ADCY3: variants seen among roughly 807,000 people sequenced by gnomAD.
ADCY3 encodes the protein adenylate cyclase 3.
In ADCY3, 70 loss-of-function variants were observed where a neutral mutation model predicts 119.4. The ratio of observed to expected loss-of-function variants is 0.59; its 90% CI spans 0.48 to 0.72. The LOEUF (loss-of-function observed/expected upper bound fraction) is 0.72. ADCY3 is among the 30% of genes least tolerant of loss of function. The pLI is 0.00. For synonymous variants in ADCY3, 672 were observed against 621.4 expected (o/e 1.08, Z -1.21); for missense variants, 1,238 against 1,541.6 (o/e 0.80, Z 3.30).
intron 9 of ADCY3, 97 bp downstream of exon 9, chr2:24,836,820 T>TC (rs1670380679): frequency 6.7e-7 from 1 of 1,492,736 alleles, no homozygotes; most frequent in African/African-American, 1.4e-5. Flanking sequence ...TGGCCAGGTC[T>TC]CCCCAGCACA....
At chr2:24,829,735 T>C (rs1669203096) in intron 13 of ADCY3, among the ~76,000 whole-genome samples, 1 of 146,358 alleles carries the variant, frequency 6.8e-6, no homozygotes, top group Non-Finnish European at 1.5e-5. Context: ...TGTGCTCCAA[T>C]TGTTAAAGTA....
At chr2:24,820,894 G>C in intron 20 of ADCY3, 46 bp from the exon 21 acceptor site, 1 of 1,604,578 alleles carries the variant, frequency 6.2e-7, no homozygotes. Context: ...GCCACACCTT[G>C]TTATGGGCCT....
At chr2:24,870,077 G>A (rs1163735493) in intron 3 of ADCY3, among the ~76,000 whole-genome samples, 1 of 151,744 alleles carries the variant, frequency 6.6e-6, no homozygotes, top group Non-Finnish European at 1.5e-5. Context: ...TTGGGAAGCC[G>A]AGGCGGGTGG....
chr2:24,880,068 C>T (rs768406710), intron 2 of ADCY3, among the ~76,000 whole-genome samples: 2 of 152,206 alleles, frequency 1.3e-5, no homozygotes, highest in Non-Finnish European at 2.9e-5. Flanking sequence ...CATGCCCTTC[C>T]GAGCTGGGTA....
chr2:24,822,673 G>C (rs763435563), intron 18 of ADCY3, 43 bp from the exon 19 acceptor site: 1 of 1,607,964 alleles, frequency 6.2e-7, no homozygotes, highest in Admixed American at 1.7e-5. Context: ...AGTCAAGGGA[G>C]AGGAATGACC....
At position 24,838,448 on chromosome 2, in the gene ADCY3, G is replaced by A. The variant is rs1159553404; in HGVS notation, c.1530C>T (p.Gly510=). 6.2e-7 allele frequency: 1 copy of A among 1,612,260 alleles called. No individual in the cohort carries two copies. The change falls in exon 8 of 22, where the codon GGC becomes GGT. Residue 510 remains glycine, a synonymous_variant. Coordinates refer to ENST00000679454, the MANE Select transcript of ADCY3 (RefSeq NM_004036.5). Reference sequence around the variant, plus strand: ...TGGGGTGGGGTGGGGAACTCACCGAGCCATTGAGGCCATTCTGGGTGGCTG... The same window carrying A: ...TGGGGTGGGGTGGGGAACTCACCGAACCATTGAGGCCATTCTGGGTGGCTG... ...KKTATQNGLN[G]SALPNGAPAS... is the part of the protein sequence containing the mutation.
chr2:24,873,019 C>T (rs974645360), intron 2 of ADCY3, among the ~76,000 whole-genome samples: 5 of 152,220 alleles, frequency 3.3e-5, no homozygotes, highest in South Asian at 2.1e-4. Flanking sequence ...ATCCCCCCTC[C>T]GGCTTCCCAA....
intron 2 of ADCY3, among the ~76,000 whole-genome samples, chr2:24,891,911 T>C (rs907767770): frequency 2.0e-5 from 3 of 152,142 alleles, no homozygotes; most frequent in Non-Finnish European, 4.4e-5. Context: ...ATAGGAAAAA[T>C]ATGGTATATA....
intron 7 of ADCY3, chr2:24,838,930 T>C: frequency 6.7e-7 from 1 of 1,499,866 alleles, no homozygotes. Flanking sequence ...GCAGATCAAA[T>C]GCGATAAGGA....
Position 24,842,881 on chromosome 2 carries a change from G to A in ADCY3, c.826-497C>T, listed in dbSNP as rs530422858. ...AGCAAGAACGTCCACCTCAGAGAGC[G>A]GAGGGTCTCACGGGGACACAGGTAA... On this transcript the variant is annotated intron_variant, in intron 3 of 21. Coordinates refer to ENST00000679454, the MANE Select transcript of ADCY3 (RefSeq NM_004036.5). This position sits in a 1 kb window ranked among gnomAD's most constrained non-coding sequence, Gnocchi z 4.9. 2.6e-4 allele frequency among the ~76,000 whole-genome samples: 39 copies of A among 152,336 alleles called. No individual in the cohort carries two copies. Among genetic ancestry groups the A allele is most frequent in the East Asian group, 7.7e-4 (4 of 5,178 alleles).
Position 24,839,900 on chromosome 2 carries a change from T to C in ADCY3, c.1328A>G (p.Asn443Ser). 1 of 1,613,876 alleles carries C rather than the reference T, an allele frequency of 6.2e-7. No individual in the cohort carries two copies. The stretch of plus-strand genomic sequence containing the variant: ...AGGGATGCCGCCGGCCTCCATCTTG[T>C]TGGCTACAGTGACATCAGTCGACCA... ...DVWSTDVTVA[N>S]KMEAGGIPGR... The change falls in exon 7 of 22, where the codon AAC becomes AGC. Residue 443 changes from asparagine to serine, a missense_variant. Physicochemically the swap from Asn to Ser is conservative, Grantham distance 46. This residue lies in a region of ADCY3 where 283 missense variants were observed against 437.2 expected (regional missense o/e 0.65). Transcript: ENST00000679454.
intron 21 of ADCY3, 59 bp from the exon 22 acceptor site, chr2:24,820,173 G>T: frequency 7.5e-7 from 1 of 1,328,972 alleles, no homozygotes; most frequent in Non-Finnish European, 1.0e-6. Context: ...ACTGAGGGCG[G>T]GTGGGGGCTT....
rs1664774646 is a variant in ADCY3, at chr2:24,918,809, T to C, written c.179A>G (p.Glu60Gly). ...PRFMRLTFVPESLENLYQTYF... is the reference protein window; with the variant it reads ...PRFMRLTFVPGSLENLYQTYF... ...GGTCTGGTAGAGGTTCTCCAAGGACTCCGGCACGAAAGTCAGCCGCATGAA... is the reference window on the plus strand; with the variant it reads ...GGTCTGGTAGAGGTTCTCCAAGGACCCCGGCACGAAAGTCAGCCGCATGAA... Residue 60 changes from glutamate to glycine, a missense_variant, in exon 2 of 22, where the codon GAG becomes GGG. Coordinates refer to ENST00000679454, the MANE Select transcript of ADCY3 (RefSeq NM_004036.5). The surrounding 1 kb of genome is among the most constrained non-coding windows in gnomAD (Gnocchi z 5.4). 2 of 1,613,760 alleles carry C rather than the reference T, an allele frequency of 1.2e-6. No individual in the cohort carries two copies. Among genetic ancestry groups the C allele is most frequent in the Non-Finnish European group, 1.7e-6 (2 of 1,180,028 alleles).
intron 17 of ADCY3, 62 bp from the exon 18 acceptor site, chr2:24,823,417 G>C (rs1668083934): frequency 1.3e-6 from 2 of 1,560,782 alleles, no homozygotes; most frequent in African/African-American, 2.7e-5. Flanking sequence ...ATGTGTTGGA[G>C]AAATGCATCT....
chr2:24,883,951 C>T (rs1676710220), intron 2 of ADCY3, among the ~76,000 whole-genome samples: 1 of 152,182 alleles, frequency 6.6e-6, no homozygotes, highest in South Asian at 2.1e-4. Flanking sequence ...TTTTTGCACA[C>T]CGTCTGCAAC....
intron 2 of ADCY3, among the ~76,000 whole-genome samples, chr2:24,902,474 G>A (rs1679026729): frequency 6.6e-6 from 1 of 152,032 alleles, no homozygotes; most frequent in Non-Finnish European, 1.5e-5. Flanking sequence ...ATCCCAACAT[G>A]TGCCATGGTG....
intron 2 of ADCY3, among the ~76,000 whole-genome samples, chr2:24,889,136 T>A (rs891038872): frequency 6.6e-6 from 1 of 152,230 alleles, no homozygotes; most frequent in Non-Finnish European, 1.5e-5. Flanking sequence ...GCTATTAGGG[T>A]GTGTCCTACC....
intron 2 of ADCY3, among the ~76,000 whole-genome samples, chr2:24,896,964 C>T (rs1346394582): frequency 6.6e-6 from 1 of 152,156 alleles, no homozygotes; most frequent in African/African-American, 2.4e-5. Context: ...TCCAAGGAAT[C>T]ACAGTCCACC....
chr2:24,904,185 AAGAG>A (rs1184225351), intron 2 of ADCY3, among the ~76,000 whole-genome samples: 1 of 152,114 alleles, frequency 6.6e-6, no homozygotes, highest in African/African-American at 2.4e-5. Context: ...GAGAGAAAGA[AAGAG>A]AGAGAAAGAA....
Sources: gnomAD v4.1 joint callset for allele counts (sites outside exome capture counted in the v4.1 genomes callset) on GRCh38, gnomAD v4.1.1 for gene constraint, gnomAD v4.1.1 regional missense constraint, Gnocchi (gnomAD v3.1) non-coding constraint, MANE v1.5 for transcripts, NCBI Gene and HGNC (gene_info 2026-07-23, HGNC 2026-07-21) for gene names.